PCIF1: variants seen among roughly 807,000 people sequenced by gnomAD.
PCIF1 encodes the protein phosphorylated CTD interacting factor 1.
A neutral mutation model predicts 86.9 loss-of-function variants in PCIF1; 12 were observed. The observed-to-expected ratio is 0.14, with a 90% CI of 0.09 to 0.22. The LOEUF (loss-of-function observed/expected upper bound fraction) is 0.22, where lower values mean the gene tolerates loss of function less well. Among genes scored for constraint, PCIF1 ranks in the 10% least tolerant of loss-of-function variants. PCIF1 has a pLI of 1.00. For synonymous variants in PCIF1, 397 were observed against 372.0 expected, an observed-to-expected ratio of 1.07 and a Z score of -0.77; for missense variants, 701 against 951.1, an observed-to-expected ratio of 0.74 and a Z score of 3.46.
intron 14 of PCIF1, among the ~76,000 whole-genome samples, 163 bp from the exon 15 acceptor site, chr20:45,946,907 ATTC>A (rs1223162956): frequency 6.6e-6 from 1 of 152,178 alleles, no homozygotes; most frequent in East Asian, 1.9e-4. Flanking sequence ...GTCCTCATTC[ATTC>A]AGTGGAGACG....
intron 1 of PCIF1, among the ~76,000 whole-genome samples, chr20:45,936,184 A>G (rs2083423933): frequency 1.3e-5 from 2 of 151,430 alleles, no homozygotes; most frequent in South Asian, 4.2e-4. Flanking sequence ...ATTTTTATTT[A>G]TTTATTTTGA....
Position 45,947,302 on chromosome 20 carries a change from G to A in PCIF1, c.1747G>A (p.Val583Met), listed in dbSNP as rs777081786. 12 of 1,613,848 alleles carry A rather than the reference G, an allele frequency of 7.4e-6. No homozygotes were observed. The highest frequency in any genetic ancestry group is 4.4e-5 in the South Asian group (4 of 91,080). Residue 583 changes from valine to methionine, a missense_variant, in exon 16 of 17, where the codon GTG becomes ATG. Physicochemically the swap from Val to Met is conservative, Grantham distance 21. This residue lies in a region of PCIF1 where 174 missense variants were observed against 206.9 expected (regional missense o/e 0.84). Coordinates refer to ENST00000372409, the MANE Select transcript of PCIF1 (RefSeq NM_022104.4). The surrounding 1 kb of genome is among the most constrained non-coding windows in gnomAD (Gnocchi z 5.4). ...ESSPEPLSFI[V>M]FIPEWREPPT... ...CTCACCGGAGCCCCTGTCCTTCATCGTGTTCATCCCTGAGTGGCGGGAACC... is the reference window on the plus strand; with the variant it reads ...CTCACCGGAGCCCCTGTCCTTCATCATGTTCATCCCTGAGTGGCGGGAACC...
chr20:45,940,898 C>A lies in PCIF1; in HGVS notation c.477C>A (p.Ser159=), dbSNP rs1474792915. Residue 159 remains serine (S), a synonymous_variant, in exon 6 of 17, where the codon TCC becomes TCA. Transcript: ENST00000372409. The part of the protein sequence containing the change: ...GTPTLKMWGT[S]PEDKQQAALL... ...CAACGCTGAAGATGTGGGGTACGTCCCCTGAAGATAAACAGCAGGCAGCTC... is the reference window on the plus strand; with the variant it reads ...CAACGCTGAAGATGTGGGGTACGTCACCTGAAGATAAACAGCAGGCAGCTC... 6.2e-7 allele frequency: 1 copy of A among 1,614,064 alleles called. No individual in the cohort carries two copies. Among genetic ancestry groups the A allele is most frequent in the Admixed American group, 1.7e-5 (1 of 59,998 alleles).
At position 45,947,089 on chromosome 20, in the gene PCIF1, G is replaced by T; in HGVS notation, c.1630G>T (p.Ala544Ser). Reference protein sequence around the residue: ...FGSRGPCLDFAPLSGSFEANP... With the variant: ...FGSRGPCLDFSPLSGSFEANP... Reference sequence around the variant, plus strand: ...TGTCCCCAGGCCCTGCCTAGACTTTGCTCCACTGAGTGGTTCATTTGAGGC... The same window carrying T: ...TGTCCCCAGGCCCTGCCTAGACTTTTCTCCACTGAGTGGTTCATTTGAGGC... The change falls in exon 15 of 17, where the codon GCT becomes TCT. Residue 544 changes from alanine to serine, a missense_variant. Physicochemically the swap from Ala to Ser is moderately conservative, Grantham distance 99. This residue lies in a region of PCIF1 where 61 missense variants were observed against 118.5 expected (regional missense o/e 0.51). Coordinates refer to ENST00000372409, the MANE Select transcript of PCIF1 (RefSeq NM_022104.4). This position sits in a 1 kb window ranked among gnomAD's most constrained non-coding sequence, Gnocchi z 5.4. 1.2e-6 allele frequency: 2 copies of T among 1,611,942 alleles called. No individual in the cohort carries two copies. Among genetic ancestry groups the T allele is most frequent in the Non-Finnish European group, 8.5e-7 (1 of 1,178,290 alleles).
At chr20:45,936,632 C>T (rs1265988535) in intron 1 of PCIF1, among the ~76,000 whole-genome samples, 1 of 151,178 alleles carries the variant, frequency 6.6e-6, no homozygotes, top group Non-Finnish European at 1.5e-5. Flanking sequence ...ACTGCAGGTG[C>T]AATTTTTTTT....
At chr20:45,941,977 T>TA (rs1015276691) in intron 7 of PCIF1, among the ~76,000 whole-genome samples, 3 of 147,318 alleles carry the variant, frequency 2.0e-5, no homozygotes, top group African/African-American at 2.5e-5. Flanking sequence ...TTTTTTTTTT[T>TA]AATTTTTTTT....
chr20:45,941,293 G>GAGTGGGGCCC (rs2083467832), intron 7 of PCIF1, 86 bp downstream of exon 7: 4 of 1,486,206 alleles, frequency 2.7e-6, no homozygotes, highest in Non-Finnish European at 2.7e-6. Flanking sequence ...GGGGATGGCG[G>GAGTGGGGCCC]AGTGGGGCCC....
intron 1 of PCIF1, 61 bp from the exon 2 acceptor site, chr20:45,937,353 GTCCC>G: frequency 2.5e-6 from 1 of 398,938 alleles, no homozygotes; most frequent in Non-Finnish European, 4.4e-6. Flanking sequence ...CTTTGTTTTT[GTCCC>G]TCTTGTCCCT....
chr20:45,935,867 G>T (rs2083420963), intron 1 of PCIF1, among the ~76,000 whole-genome samples: 1 of 151,324 alleles, frequency 6.6e-6, no homozygotes, highest in Non-Finnish European at 1.5e-5. Context: ...CTGATGCACA[G>T]CTGGCTTTGG....
In PCIF1 at chr20:45,943,989, A is replaced by G. The variant is rs1405205815; in HGVS notation, c.1005+224A>G. On this transcript the variant is annotated intron_variant, in intron 10 of 16. Coordinates refer to ENST00000372409, the MANE Select transcript of PCIF1 (RefSeq NM_022104.4). This position sits in a 1 kb window ranked among gnomAD's most constrained non-coding sequence, Gnocchi z 5.5. ...CAGAACATTTCCATTAACAATCTTAATGGAGTCTTATGCTTGGCCACACAC... is the reference window on the plus strand; with the variant it reads ...CAGAACATTTCCATTAACAATCTTAGTGGAGTCTTATGCTTGGCCACACAC... Among the ~76,000 whole-genome samples the G allele has an allele frequency of 6.6e-6, 1 of 152,016 alleles. No individual in the cohort carries two copies. The highest frequency in any genetic ancestry group is 1.5e-5 in the Non-Finnish European group (1 of 68,006).
At chr20:45,946,948 G>A (rs1166239809) in intron 14 of PCIF1, 125 bp from the exon 15 acceptor site, 4 of 736,236 alleles carry the variant, frequency 5.4e-6, no homozygotes, top group Non-Finnish European at 4.6e-6. Context: ...AATGAATTAG[G>A]GTGAATGCTG....
chr20:45,938,757 A>G (rs1205794132), intron 2 of PCIF1, among the ~76,000 whole-genome samples: 3 of 151,996 alleles, frequency 2.0e-5, no homozygotes, highest in Admixed American at 1.3e-4. Flanking sequence ...GGCAGAGAAG[A>G]GGGGGAGGGG....
At position 45,946,190 on chromosome 20, in the gene PCIF1, C is replaced by G; in HGVS notation, c.1429-10C>G. The G allele has an allele frequency of 1.9e-6, 3 of 1,614,162 alleles. No homozygotes were observed. The highest frequency in any genetic ancestry group is 2.5e-6 in the Non-Finnish European group (3 of 1,180,022). On this transcript the variant is annotated splice_polypyrimidine_tract_variant and intron_variant, in intron 13 of 16. Transcript: ENST00000372409. Reference sequence around the variant, plus strand: ...GTGAGCCCCAGGTGCTGACGGTGGCCACTCCGCAGATGATGTTCGGCGTGG... The same window carrying G: ...GTGAGCCCCAGGTGCTGACGGTGGCGACTCCGCAGATGATGTTCGGCGTGG...
intron 2 of PCIF1, chr20:45,937,802 A>G (rs1600500517): frequency 2.6e-6 from 1 of 384,426 alleles, no homozygotes. Context: ...TGGAGTAACC[A>G]TTGACTTTTC....
intron 14 of PCIF1, 110 bp from the exon 15 acceptor site, chr20:45,946,963 C>G: frequency 1.2e-6 from 1 of 850,812 alleles, no homozygotes; most frequent in Non-Finnish European, 1.9e-6. Flanking sequence ...ATGCTGGCTT[C>G]TGGACAGGCC....
chr20:45,939,698 C>T (rs1314093120), intron 4 of PCIF1, among the ~76,000 whole-genome samples: 1 of 152,194 alleles, frequency 6.6e-6, no homozygotes, highest in Non-Finnish European at 1.5e-5. Flanking sequence ...TAGATCCTGA[C>T]ATACTCTGGG....
At chr20:45,945,625 C>G in intron 11 of PCIF1, 86 bp from the exon 12 acceptor site, 15 of 1,486,968 alleles carry the variant, frequency 1.0e-5, no homozygotes, top group Non-Finnish European at 1.2e-5. Context: ...ATGGGACTTC[C>G]CTCTCTCGGT....
At position 45,947,389 on chromosome 20, in the gene PCIF1, C is replaced by A. The variant is rs773699856; in HGVS notation, c.1834C>A (p.Pro612Thr). 2.5e-6 allele frequency: 4 copies of A among 1,614,062 alleles called. No individual in the cohort carries two copies. ...CTTCAAACGCCACCAGTTGATCCTG[C>A]CTGCCTTTGAGCATGAGTACCGCAG... The part of the protein sequence containing the change: ...SRFKRHQLIL[P>T]AFEHEYRSGS... The change falls in exon 16 of 17, where the codon CCT (proline) becomes ACT (threonine). Residue 612 changes from proline (P) to threonine (T), a missense_variant. Physicochemically the swap from Pro to Thr is conservative, Grantham distance 38. Around this residue, in one of 7 missense-constraint regions of PCIF1, gnomAD observed 174 missense variants for 206.9 expected, o/e 0.84. Transcript: ENST00000372409. The surrounding 1 kb of genome is among the most constrained non-coding windows in gnomAD (Gnocchi z 5.4).
Position 45,941,304 on chromosome 20 carries a change from A to G in PCIF1, c.673+97A>G, listed in dbSNP as rs190307680. 6.1e-4 allele frequency: 867 copies of G among 1,429,050 alleles called. 9 individuals carry two copies. The East Asian group carries it at 0.019, about 32-fold the overall frequency. 88.5% of individuals were successfully genotyped at this position (1,429,050 alleles called of 1,614,324 possible). ...GTTTGGGGATGGCGGAGTGGGGCCC[A>G]GTGGTGAGCCATGATCACACCAGTG... On this transcript the variant is annotated intron_variant, in intron 7 of 16. Transcript: ENST00000372409.
Sources: allele counts gnomAD v4.1 joint callset (sites outside exome capture counted in the v4.1 genomes callset), GRCh38; gene constraint gnomAD v4.1.1; regional missense constraint gnomAD v4.1.1; non-coding constraint Gnocchi (gnomAD v3.1); transcripts MANE v1.5; gene names NCBI Gene and HGNC (gene_info 2026-07-23, HGNC 2026-07-21).